Variants in MCUB observed in about 807,000 individuals in gnomAD.
MCUB encodes mitochondrial calcium uniporter dominant negative subunit beta, also known as calcium uniporter regulatory subunit MCUb, mitochondrial.
A neutral mutation model predicts 41.4 loss-of-function variants in MCUB; 46 were observed. The ratio of observed to expected loss-of-function variants is 1.11; its 90% CI spans 0.88 to 1.42. The LOEUF (loss-of-function observed/expected upper bound fraction) is 1.42, where lower values mean the gene tolerates loss of function less well. MCUB is among the 40% of genes most tolerant of loss of function. The pLI, the probability that MCUB is intolerant of heterozygous loss-of-function variation, is 0.00. For synonymous variants in MCUB, 148 were observed against 148.2 expected (o/e 1.00, Z 0.01); for missense variants, 403 against 404.9 (o/e 1.00, Z 0.04).
chr4:109,612,828 C>T (rs1480464726), intron 1 of MCUB, among the ~76,000 whole-genome samples: 6 of 151,752 alleles, frequency 4.0e-5, no homozygotes, highest in South Asian at 2.1e-4. Flanking sequence ...GGAATTAGGC[C>T]GGGTGCGGTG....
intron 4 of MCUB, among the ~76,000 whole-genome samples, chr4:109,678,451 G>A (rs1388670454): frequency 6.8e-6 from 1 of 146,610 alleles, no homozygotes; most frequent in Non-Finnish European, 1.5e-5. Flanking sequence ...CGGGCGGGCA[G>A]AGACGCTCCT....
At chr4:109,653,352 C>G (rs1371043831) in intron 1 of MCUB, among the ~76,000 whole-genome samples, 1 of 151,046 alleles carries the variant, frequency 6.6e-6, no homozygotes, top group African/African-American at 2.4e-5. Context: ...GCACTCCAGC[C>G]TGGGGGACAG....
chr4:109,669,359 T>C (rs1021656454), intron 4 of MCUB, among the ~76,000 whole-genome samples: 14 of 152,184 alleles, frequency 9.2e-5, no homozygotes, highest in Non-Finnish European at 1.2e-4. Flanking sequence ...CTTGCTTGTA[T>C]GATTTCAGAG....
intron 7 of MCUB, 96 bp from the exon 8 acceptor site, chr4:109,687,419 T>C (rs1487195666): frequency 2.5e-6 from 2 of 809,106 alleles, no homozygotes; most frequent in Non-Finnish European, 4.2e-6. Context: ...TTTATTGCTG[T>C]AAGGAGACGC....
At chr4:109,581,983 G>A (rs1431555791) in intron 1 of MCUB, among the ~76,000 whole-genome samples, 2 of 152,106 alleles carry the variant, frequency 1.3e-5, no homozygotes, top group African/African-American at 4.8e-5. Flanking sequence ...ATTCCTCAGG[G>A]ATCTAGAACT....
chr4:109,585,757 A>G (rs569326894), intron 1 of MCUB, among the ~76,000 whole-genome samples: 2 of 152,300 alleles, frequency 1.3e-5, no homozygotes, highest in East Asian at 3.9e-4. Flanking sequence ...TCTTTTCTTT[A>G]AGAATGTTGA....
intron 1 of MCUB, among the ~76,000 whole-genome samples, chr4:109,623,929 A>G (rs1411094609): frequency 2.6e-4 from 39 of 152,178 alleles, no homozygotes; most frequent in Non-Finnish European, 1.2e-4. Flanking sequence ...AGCTCACTGT[A>G]ACCTTGAATT....
chr4:109,585,662 A>G (rs1460474941), intron 1 of MCUB, among the ~76,000 whole-genome samples: 1 of 152,194 alleles, frequency 6.6e-6, no homozygotes, highest in African/African-American at 2.4e-5. Context: ...AAAATCTCTC[A>G]GCATTTGCTT....
At chr4:109,562,557 C>T (rs1390264044) in intron 1 of MCUB, among the ~76,000 whole-genome samples, 2 of 152,150 alleles carry the variant, frequency 1.3e-5, no homozygotes, top group African/African-American at 2.4e-5. Context: ...GGCTTTCCCA[C>T]TTGTTATGAA....
chr4:109,680,892 C>T (rs1047563292), intron 4 of MCUB, among the ~76,000 whole-genome samples: 5 of 152,144 alleles, frequency 3.3e-5, no homozygotes, highest in African/African-American at 1.2e-4. Flanking sequence ...AATTACAGCT[C>T]TCAGAAGGGT....
chr4:109,606,531 T>G (rs916214018), intron 1 of MCUB, among the ~76,000 whole-genome samples: 6 of 151,888 alleles, frequency 4.0e-5, no homozygotes, highest in Non-Finnish European at 7.4e-5. Context: ...TTCTTGTGTA[T>G]TTTTTTTATT....
At chr4:109,659,594 GA>G (rs200470126) in intron 2 of MCUB, among the ~76,000 whole-genome samples, 65 of 149,404 alleles carry the variant, frequency 4.4e-4, no homozygotes, top group Non-Finnish European at 8.2e-4. Flanking sequence ...CAAAAAGAAA[GA>G]AAAAAAAACA....
chr4:109,577,720 C>T (rs113856271), intron 1 of MCUB, among the ~76,000 whole-genome samples: 11,745 of 75,616 alleles, frequency 0.16, 4,182 homozygotes, highest in Non-Finnish European at 0.24. Context: ...ACGCCATTCT[C>T]CTGCCTCAGC....
intron 1 of MCUB, among the ~76,000 whole-genome samples, chr4:109,592,513 C>T (rs1727462082): frequency 6.6e-6 from 1 of 152,064 alleles, no homozygotes; most frequent in Admixed American, 6.5e-5. Context: ...TTGAAACCAA[C>T]AACTCCAGTG....
In MCUB at chr4:109,674,879, A is replaced by G. The variant is rs1579095169; in HGVS notation, c.452-7703A>G. ...AATGTGTGTGTTGCTTATTTTTTAC[A>G]TAAGAATTGTAAACATTGAACTGAA... On this transcript the variant is annotated intron_variant, in intron 4 of 7. Transcript: ENST00000394650. 2.0e-5 allele frequency among the ~76,000 whole-genome samples: 3 copies of G among 152,386 alleles called. No homozygotes were observed. The East Asian group carries it at 5.8e-4, about 29-fold the overall frequency.
chr4:109,647,469 TA>T (rs1728864140), intron 1 of MCUB, among the ~76,000 whole-genome samples: 1 of 152,230 alleles, frequency 6.6e-6, no homozygotes, highest in Non-Finnish European at 1.5e-5. Flanking sequence ...TTTCACTTAG[TA>T]ATATGCATTT....
At chr4:109,683,502 C>G (rs1729763624) in intron 5 of MCUB, among the ~76,000 whole-genome samples, 2 of 151,984 alleles carry the variant, frequency 1.3e-5, no homozygotes, top group Non-Finnish European at 2.9e-5. Context: ...TAAAGTTTTC[C>G]TCCCACCCTG....
intron 1 of MCUB, among the ~76,000 whole-genome samples, chr4:109,587,449 G>T (rs9991035): frequency 6.6e-6 from 1 of 151,990 alleles, no homozygotes; most frequent in Non-Finnish European, 1.5e-5. Context: ...ATTCGGCTTG[G>T]CCTCCATGGG....
At chr4:109,565,450 C>T (rs1462397903) in intron 1 of MCUB, among the ~76,000 whole-genome samples, 1 of 152,166 alleles carries the variant, frequency 6.6e-6, no homozygotes, top group East Asian at 1.9e-4. Context: ...TCATCAACCT[C>T]TTTTTTCAAA....
Sources: allele counts gnomAD v4.1 joint callset (sites outside exome capture counted in the v4.1 genomes callset), GRCh38; gene constraint gnomAD v4.1.1; transcripts MANE v1.5; gene names NCBI Gene and HGNC (gene_info 2026-07-23, HGNC 2026-07-21).